Variants in SCN11A observed in about 807,000 individuals in gnomAD.
The protein encoded by SCN11A is sodium channel protein type 11 subunit alpha.
In SCN11A, 122 loss-of-function variants were observed where a neutral mutation model predicts 162.2. That is an observed-to-expected ratio of 0.75 (90% CI 0.65 to 0.87). The LOEUF (loss-of-function observed/expected upper bound fraction) is 0.87. SCN11A is among the 40% of genes least tolerant of loss of function. The pLI, the probability that SCN11A is intolerant of heterozygous loss-of-function variation, is 0.00. For missense variants in SCN11A, 2,015 were observed against 2,181.6 expected (o/e 0.92, Z 1.52); for synonymous variants, 758 against 751.5 (o/e 1.01, Z -0.14).
At chr3:39,023,815 G>A (rs1214327492) in intron 2 of SCN11A, among the ~76,000 whole-genome samples, 1 of 152,056 alleles carries the variant, frequency 6.6e-6, no homozygotes, top group Non-Finnish European at 1.5e-5. Flanking sequence ...GCTAATTTTT[G>A]TATTTTTAGT....
At chr3:38,948,934 G>A (rs1210502388) in intron 5 of SCN11A, among the ~76,000 whole-genome samples, 1 of 152,140 alleles carries the variant, frequency 6.6e-6, no homozygotes, top group Admixed American at 6.5e-5. Flanking sequence ...GAGAAACATT[G>A]GAGTGTTTTT....
In SCN11A at chr3:38,847,731, A is replaced by G; in HGVS notation, c.4339T>C (p.Ser1447Pro). Residue 1447 changes from serine (S) to proline (P), a missense_variant, in exon 30 of 30, where the codon TCT (serine) becomes CCT (proline). Transcript: ENST00000302328. ...VLLSIVSTMI[S>P]TLENQEHIPF... ...ATGTGCTCCTGATTTTCCAAGGTAG[A>G]AATCATTGTACCTCAGGAGAAGGAG... is the stretch of plus-strand genomic sequence containing the variant. The G allele has an allele frequency of 6.3e-7, 1 of 1,590,644 alleles. No individual in the cohort carries two copies. Among genetic ancestry groups the G allele is most frequent in the Non-Finnish European group, 8.6e-7 (1 of 1,164,686 alleles).
At chr3:38,877,004 A>C (rs2065218631) in intron 23 of SCN11A, among the ~76,000 whole-genome samples, 1 of 149,010 alleles carries the variant, frequency 6.7e-6, no homozygotes, top group Admixed American at 6.8e-5. Context: ...ATATAGAGAG[A>C]GAAAGAGACA....
Position 38,950,069 on chromosome 3 carries a change from A to AACCC in SCN11A, c.267+26_267+27insGGGT. On this transcript the variant is annotated intron_variant, in intron 5 of 29. Transcript: ENST00000302328. ...GCATGGTTAGAACACCCCCACCCCC[A>AACCC]CCCCCCCCCCCCGCCCAATGAAGTA... The AACCC allele has an allele frequency of 7.7e-5, 5 of 65,030 alleles. 1 individual carries two copies. Among genetic ancestry groups the AACCC allele is most frequent in the South Asian group, 2.5e-4 (1 of 4,032 alleles). The allele number at this position is 65,030 out of a possible 1,614,324, so 4.0% of individuals were successfully genotyped here.
At chr3:39,010,802 G>C (rs997649838) in intron 2 of SCN11A, among the ~76,000 whole-genome samples, 1 of 152,194 alleles carries the variant, frequency 6.6e-6, no homozygotes, top group Non-Finnish European at 1.5e-5. Flanking sequence ...TTTAAATTTT[G>C]ATTTGAGAAA....
chr3:38,878,172 A>AAATAAAT (rs1383063981), intron 23 of SCN11A, among the ~76,000 whole-genome samples: 2 of 149,816 alleles, frequency 1.3e-5, no homozygotes, highest in East Asian at 3.9e-4. Flanking sequence ...GAAATATAAT[A>AAATAAAT]AATAAATAAA....
intron 17 of SCN11A, 144 bp from the exon 18 acceptor site, chr3:38,897,369 C>A: frequency 2.8e-6 from 2 of 722,658 alleles, no homozygotes; most frequent in Non-Finnish European, 4.4e-6. Flanking sequence ...TGAACATAGC[C>A]ATCAGATCGC....
At chr3:38,916,183 T>C (rs2065958555) in intron 11 of SCN11A, among the ~76,000 whole-genome samples, 1 of 152,222 alleles carries the variant, frequency 6.6e-6, no homozygotes. Flanking sequence ...TCTTTTATTT[T>C]GAGCCTATGT....
At chr3:38,911,987 T>C (rs1226637093) in intron 11 of SCN11A, among the ~76,000 whole-genome samples, 1 of 152,152 alleles carries the variant, frequency 6.6e-6, no homozygotes, top group Non-Finnish European at 1.5e-5. Context: ...TGTTCATGTG[T>C]TTTAATCAGA....
chr3:38,894,939 A>T lies in SCN11A; in HGVS notation c.2429T>A (p.Leu810Gln). The change falls in exon 19 of 30, where the codon CTG becomes CAG. Residue 810 changes from leucine to glutamine, a missense_variant. Coordinates refer to ENST00000302328, the MANE Select transcript of SCN11A (RefSeq NM_001349253.2). ...LVVLNLFIAL[L>Q]LNSFSNEERN... is the part of the protein sequence containing the mutation. ...TTCCTCATTGCTAAAGGAATTGAGC[A>T]GTAAGGCAATGAAGAGGTTGAGCAC... 6.2e-7 allele frequency: 1 copy of T among 1,612,148 alleles called. No homozygotes were observed. The highest frequency in any genetic ancestry group is 8.5e-7 in the Non-Finnish European group (1 of 1,178,710).
At chr3:38,900,880 A>C (rs78851940) in intron 16 of SCN11A, among the ~76,000 whole-genome samples, 4,535 of 152,338 alleles carry the variant, frequency 0.03, 91 homozygotes, top group Non-Finnish European at 0.048. Context: ...ATACAAGCTT[A>C]AGAAATATGT....
rs781114326 is a variant in SCN11A at position 38,867,468 on chromosome 3, A to T, written c.3814-10T>A. ...CTGGCTGTTGTTCTTTCTGTTAGAA[A>T]TTTTTTTAATAAGAGAAAAAAACAA... On this transcript the variant is annotated splice_polypyrimidine_tract_variant and intron_variant, in intron 26 of 29. Transcript: ENST00000302328. The T allele has an allele frequency of 3.2e-6, 5 of 1,586,840 alleles. No homozygotes were observed. The highest frequency in any genetic ancestry group is 4.3e-6 in the Non-Finnish European group (5 of 1,169,820).
In SCN11A at chr3:38,930,114, C is replaced by A. The variant is rs2066218288; in HGVS notation, c.489-3183G>T. Among the ~76,000 whole-genome samples the A allele has an allele frequency of 2.6e-5, 4 of 152,268 alleles. No individual in the cohort carries two copies. The South Asian group carries it at 8.3e-4, about 32-fold the overall frequency. On this transcript the variant is annotated intron_variant, in intron 7 of 29. Coordinates refer to ENST00000302328, the MANE Select transcript of SCN11A (RefSeq NM_001349253.2). The stretch of plus-strand genomic sequence containing the variant: ...CTGAGTCTGCAAGCACAAACACATA[C>A]ACACGCTCACTTGGGACAGAAACAA...
chr3:39,026,728 T>G (rs150771655), intron 2 of SCN11A, among the ~76,000 whole-genome samples: 46 of 152,282 alleles, frequency 3.0e-4, no homozygotes, highest in African/African-American at 1.1e-3. Context: ...TAAGAGGGAT[T>G]CTAAACTGAC....
At chr3:38,996,019 G>A (rs889316715) in intron 2 of SCN11A, among the ~76,000 whole-genome samples, 17 of 152,042 alleles carry the variant, frequency 1.1e-4, no homozygotes, top group Non-Finnish European at 1.5e-4. Context: ...ATGAGCGCGC[G>A]CTCTCTCTCT....
At chr3:38,894,483 G>A (rs2065552984) in intron 19 of SCN11A, 50 bp downstream of exon 19, 1 of 1,455,980 alleles carries the variant, frequency 6.9e-7, no homozygotes, top group South Asian at 1.3e-5. Context: ...AGTGCCCTGT[G>A]ATAACTCCAG....
chr3:38,847,876 T>C, intron 29 of SCN11A, 134 bp from the exon 30 acceptor site: 1 of 589,658 alleles, frequency 1.7e-6, no homozygotes, highest in Non-Finnish European at 3.0e-6. Flanking sequence ...AAACTAAGAA[T>C]TTCTTTTACC....
At chr3:38,952,340 T>G (rs542407074) in intron 4 of SCN11A, among the ~76,000 whole-genome samples, 113 of 152,332 alleles carry the variant, frequency 7.4e-4, no homozygotes, top group Non-Finnish European at 1.1e-3. Flanking sequence ...GCAGTAGTAT[T>G]CAGGTTGAAT....
At chr3:38,907,308 A>ATG (rs1395920809) in intron 14 of SCN11A, among the ~76,000 whole-genome samples, 1 of 33,874 alleles carries the variant, frequency 3.0e-5, no homozygotes, top group African/African-American at 6.7e-5. Flanking sequence ...ATACCAACAT[A>ATG]TATGTGTGTG....
Sources: allele counts gnomAD v4.1 joint callset (sites outside exome capture counted in the v4.1 genomes callset), GRCh38; gene constraint gnomAD v4.1.1; transcripts MANE v1.5; gene names NCBI Gene and HGNC (gene_info 2026-07-23, HGNC 2026-07-21).